Variants in COL18A1 observed in about 807,000 individuals in gnomAD.
The protein encoded by COL18A1 is collagen type XVIII alpha 1 chain.
In COL18A1, 133 loss-of-function variants were observed where a neutral mutation model predicts 168.0. The ratio of observed to expected loss-of-function variants is 0.79; its 90% CI spans 0.69 to 0.91. The LOEUF (loss-of-function observed/expected upper bound fraction) is 0.91. Among genes scored for constraint, COL18A1 ranks in the 40% least tolerant of loss-of-function variants. COL18A1 has a pLI of 0.00. For synonymous variants in COL18A1, 949 were observed against 809.0 expected (o/e 1.17, Z -2.94); for missense variants, 2,126 against 1,925.4 (o/e 1.10, Z -1.95).
At chr21:45,456,327 C>G in intron 2 of COL18A1, 1 of 1,551,000 alleles carries the variant, frequency 6.4e-7, no homozygotes, top group Non-Finnish European at 8.7e-7. Context: ...CTTCTGCACC[C>G]CCTGGTGATG....
At chr21:45,407,126 G>T (rs926299338) in intron 2 of COL18A1, among the ~76,000 whole-genome samples, 1 of 152,202 alleles carries the variant, frequency 6.6e-6, no homozygotes, top group African/African-American at 2.4e-5. Flanking sequence ...CAGGCCACCC[G>T]CAGCCCGGGT....
intron 32 of COL18A1, among the ~76,000 whole-genome samples, chr21:45,500,169 TG>T (rs1380265408): frequency 1.6e-5 from 1 of 63,924 alleles, no homozygotes; most frequent in Non-Finnish European, 3.1e-5. Context: ...GTGTGTAGTG[TG>T]GGGGTGTATA....
chr21:45,459,975 G>A (rs1024377537), intron 2 of COL18A1, among the ~76,000 whole-genome samples: 4 of 151,594 alleles, frequency 2.6e-5, no homozygotes, highest in Non-Finnish European at 5.9e-5. Context: ...CTGGCCCCTG[G>A]GACCGGAGGC....
At chr21:45,496,981 C>A in intron 30 of COL18A1, 69 bp from the exon 31 acceptor site, 1 of 1,058,288 alleles carries the variant, frequency 9.4e-7, no homozygotes, top group Non-Finnish European at 1.5e-6. Flanking sequence ...GGCTTGGGGA[C>A]CCCTGAGTGG....
At chr21:45,466,811 A>G (rs2035230643) in intron 2 of COL18A1, among the ~76,000 whole-genome samples, 1 of 152,154 alleles carries the variant, frequency 6.6e-6, no homozygotes, top group Non-Finnish European at 1.5e-5. Context: ...TGTTCTAGGA[A>G]GGGTGGTGGG....
intron 39 of COL18A1, 141 bp from the exon 40 acceptor site, chr21:45,509,923 A>T (rs2037473119): frequency 3.1e-6 from 3 of 962,616 alleles, no homozygotes; most frequent in Non-Finnish European, 4.6e-6. Context: ...TGGGCCCCTC[A>T]GTGTGTCACT....
chr21:45,509,208 C>T, intron 38 of COL18A1, 148 bp from the exon 39 acceptor site: 2 of 1,108,502 alleles, frequency 1.8e-6, no homozygotes. Flanking sequence ...TGCCTACACC[C>T]CCAGGGCAGC....
In COL18A1 at chr21:45,494,535, T is replaced by G. The variant is rs374916794; in HGVS notation, c.2353-10T>G. On this transcript the variant is annotated splice_polypyrimidine_tract_variant and intron_variant, in intron 26 of 41. Transcript: ENST00000651438. ...GCCACCTAACCCTGTCTTCTTGTTT[T>G]TTTGCTCAGGGAGAGCCGGGCTTCC... 2.5e-6 allele frequency: 4 copies of G among 1,613,318 alleles called. No individual in the cohort carries two copies. The African/African-American group carries it at 5.3e-5, about 22-fold the overall frequency.
intron 27 of COL18A1, 78 bp from the exon 28 acceptor site, chr21:45,494,784 C>A: frequency 7.3e-7 from 1 of 1,375,862 alleles, no homozygotes; most frequent in Non-Finnish European, 1.0e-6. Flanking sequence ...CATGGCCCCT[C>A]CCCTTCCCCA....
chr21:45,408,721 C>T (rs2033196931), intron 2 of COL18A1, among the ~76,000 whole-genome samples: 1 of 152,164 alleles, frequency 6.6e-6, no homozygotes, highest in African/African-American at 2.4e-5. Flanking sequence ...ACAACACCCT[C>T]CCACCCCCGC....
intron 2 of COL18A1, among the ~76,000 whole-genome samples, chr21:45,441,550 G>C (rs2034370179): frequency 6.6e-6 from 1 of 152,168 alleles, no homozygotes; most frequent in Non-Finnish European, 1.5e-5. Flanking sequence ...CCTGCTGCCC[G>C]GTGGCTCTGG....
At chr21:45,494,632 G>A (rs2036470746) in intron 27 of COL18A1, 61 bp downstream of exon 27, 1 of 1,608,606 alleles carries the variant, frequency 6.2e-7, no homozygotes, top group Non-Finnish European at 8.5e-7. Flanking sequence ...CAAGGACACG[G>A]TCGCCCGCGG....
intron 14 of COL18A1, chr21:45,482,373 G>T (rs769812418): frequency 1.5e-6 from 1 of 655,224 alleles, no homozygotes; most frequent in Non-Finnish European, 2.8e-6. Context: ...GTTTGTGGGT[G>T]GACCTGGCGG....
At position 45,478,223 on chromosome 21, in the gene COL18A1, C is replaced by T. The variant is rs528011609; in HGVS notation, c.1222-104C>T. On this transcript the variant is annotated intron_variant, in intron 8 of 41. Transcript: ENST00000651438. ...GAGGACATCGGGGGAAGGCGTCTGC[C>T]GCCTCGTGGGGACTTGGAGCGTGGG... 3.3e-4 allele frequency: 488 copies of T among 1,491,674 alleles called. 6 individuals carry two copies. The South Asian group carries it at 5.1e-3, about 16-fold the overall frequency. The allele number at this position is 1,491,674 out of a possible 1,614,324, so 92.4% of individuals were successfully genotyped here.
rs1338281814 is a variant in COL18A1 at position 45,423,902 on chromosome 21, C to T, written c.106+18429C>T. 3 of 152,286 alleles carry T rather than the reference C, an allele frequency of 2.0e-5. No homozygotes were observed. Among genetic ancestry groups the T allele is most frequent in the Non-Finnish European group, 4.4e-5 (3 of 68,092 alleles). The allele number at this position is 152,286 out of a possible 1,614,324, so 9.4% of individuals were successfully genotyped here. On this transcript the variant is annotated intron_variant, in intron 2 of 41. Transcript: ENST00000651438. This position sits in a 1 kb window ranked among gnomAD's most constrained non-coding sequence, Gnocchi z 4.0. ...AGGCCTGACGCACTCAGCTGCTCGC[C>T]CAGGGCCCTCCTGTTGGGCATTTGG...
At chr21:45,452,654 G>A (rs1037669530) in intron 2 of COL18A1, among the ~76,000 whole-genome samples, 8 of 151,980 alleles carry the variant, frequency 5.3e-5, no homozygotes, top group Non-Finnish European at 1.0e-4. Context: ...GTGAGCTTGT[G>A]TATGCATGTA....
At chr21:45,505,785 C>A in intron 36 of COL18A1, 53 bp from the exon 37 acceptor site, 4 of 1,341,194 alleles carry the variant, frequency 3.0e-6, no homozygotes, top group Non-Finnish European at 3.1e-6. Flanking sequence ...CCTTCCGCCC[C>A]TGCCCCCCGC....
chr21:45,481,986 A>G lies in COL18A1; in HGVS notation c.1635A>G (p.Arg545=), dbSNP rs747860977. 6.2e-7 allele frequency: 1 copy of G among 1,613,414 alleles called. No individual in the cohort carries two copies. The highest frequency in any genetic ancestry group is 1.1e-5 in the South Asian group (1 of 91,044). Residue 545 remains arginine, a synonymous_variant, in exon 14 of 42, where the codon AGA becomes AGG. Coordinates refer to ENST00000651438, the MANE Select transcript of COL18A1 (RefSeq NM_001379500.1). The part of the protein sequence containing the change: ...GLPGPPGPPG[R]EGPPGRTGQK... ...AGGGACCCCCAGGCCCTCCGGGAAG[A>G]GAGGGGCCCCCAGGAAGGACTGGGC...
chr21:45,489,464 C>G (rs774604627), intron 18 of COL18A1, 22 bp from the exon 19 acceptor site: 1 of 1,580,262 alleles, frequency 6.3e-7, no homozygotes, highest in Non-Finnish European at 8.6e-7. Context: ...CAGGTGCTCA[C>G]GGAGCCCCTT....
Sources: gnomAD v4.1 joint callset for allele counts (sites outside exome capture counted in the v4.1 genomes callset) on GRCh38, gnomAD v4.1.1 for gene constraint, Gnocchi (gnomAD v3.1) non-coding constraint, MANE v1.5 for transcripts, NCBI Gene and HGNC (gene_info 2026-07-23, HGNC 2026-07-21) for gene names.